Variants in ERC2 observed in about 807,000 individuals in gnomAD.
ERC2 encodes ERC protein 2.
A neutral mutation model predicts 114.8 loss-of-function variants in ERC2; 42 were observed. The ratio of observed to expected loss-of-function variants is 0.37; its 90% confidence interval spans 0.29 to 0.47. ERC2 has a LOEUF of 0.47. Among genes scored for constraint, ERC2 ranks in the 20% least tolerant of loss-of-function variants. The probability of loss-of-function intolerance (pLI) is 0.99; values close to 1 mark genes in which losing one functional copy is unlikely to be tolerated. For synonymous variants in ERC2, 454 were observed against 425.5 expected (o/e 1.07, Z -0.82); for missense variants, 939 against 1,150.7 (o/e 0.82, Z 2.66).
chr3:55,932,073 G>T (rs900061985), intron 13 of ERC2, among the ~76,000 whole-genome samples: 1 of 152,056 alleles, frequency 6.6e-6, no homozygotes, highest in Admixed American at 6.5e-5. Flanking sequence ...AGTTCTCATT[G>T]CTGCAATAAA....
At chr3:55,796,402 C>G (rs560641029) in intron 14 of ERC2, among the ~76,000 whole-genome samples, 1 of 152,288 alleles carries the variant, frequency 6.6e-6, no homozygotes, top group Admixed American at 6.5e-5. Flanking sequence ...TACAGAACTG[C>G]AGTCCATGGG....
chr3:55,944,848 C>A (rs1482989849), intron 13 of ERC2, among the ~76,000 whole-genome samples: 1 of 152,214 alleles, frequency 6.6e-6, no homozygotes, highest in Admixed American at 6.5e-5. Flanking sequence ...GAAAGCACTT[C>A]TGTGCTGACC....
intron 14 of ERC2, among the ~76,000 whole-genome samples, chr3:55,782,258 T>A (rs918318195): frequency 6.6e-6 from 1 of 152,218 alleles, no homozygotes; most frequent in Non-Finnish European, 1.5e-5. Flanking sequence ...TACAGGGTGA[T>A]GCTAGCATTT....
intron 1 of ERC2, among the ~76,000 whole-genome samples, chr3:56,447,701 C>T (rs890291198): frequency 2.0e-5 from 3 of 151,634 alleles, no homozygotes; most frequent in African/African-American, 7.3e-5. Flanking sequence ...TTTATTAAAG[C>T]AGAACATATA....
At chr3:55,631,274 T>G (rs942966227) in intron 17 of ERC2, among the ~76,000 whole-genome samples, 12 of 152,184 alleles carry the variant, frequency 7.9e-5, no homozygotes, top group African/African-American at 2.7e-4. Flanking sequence ...GGGCTCTTTG[T>G]TTTGGCCAAG....
intron 2 of ERC2, among the ~76,000 whole-genome samples, chr3:56,320,927 G>A (rs76763008): frequency 0.01 from 1,575 of 152,232 alleles, 25 homozygotes; most frequent in African/African-American, 0.036. Context: ...AGCTAGGGAA[G>A]TCTGCCCATT....
Position 55,864,124 on chromosome 3 carries a change from CACACATATATATATACATAT to C in ERC2, c.2564+24245_2564+24264del, listed in dbSNP as rs1481768463. ...ATATATATATATATATATATACACA[CACACATATATATATACATAT>C]ATATATATATACACATATATATACA... On this transcript the variant is annotated intron_variant, in intron 14 of 17. Transcript: ENST00000288221. Among the ~76,000 whole-genome samples, 315 of 139,544 alleles carry C rather than the reference CACACATATATATATACATAT, an allele frequency of 2.3e-3. 1 individual carries two copies. The highest frequency in any genetic ancestry group is 8.6e-3 in the African/African-American group (296 of 34,616). 91.5% of individuals were successfully genotyped at this position (139,544 alleles called of 152,430 possible). A position where few individuals can be genotyped will look rare whatever the true frequency, so the allele number is the denominator to read the frequency against.
chr3:55,660,985 T>A (rs1398736593), intron 17 of ERC2, among the ~76,000 whole-genome samples: 1 of 152,184 alleles, frequency 6.6e-6, no homozygotes, highest in Admixed American at 6.5e-5. Flanking sequence ...CTTCTTCATA[T>A]TATAACATTG....
intron 17 of ERC2, among the ~76,000 whole-genome samples, chr3:55,593,490 A>T (rs1256768116): frequency 6.6e-6 from 1 of 152,126 alleles, no homozygotes; most frequent in African/African-American, 2.4e-5. Flanking sequence ...CCAATTTCAG[A>T]TGGTACTTCT....
rs867560871 is a variant in ERC2 at position 55,866,237 on chromosome 3, G to C, written c.2564+22152C>G. Among the ~76,000 whole-genome samples the C allele has an allele frequency of 3.0e-4, 46 of 152,020 alleles. 2 individuals carry two copies. Among genetic ancestry groups the C allele is most frequent in the Middle Eastern group, 6.8e-3 (2 of 294 alleles). ...TTAAGCATCTTTTCATATGCTTACT[G>C]GTCATTTGTATATCTTCTCTACAGA... On this transcript the variant is annotated intron_variant, in intron 14 of 17. Transcript: ENST00000288221.
At chr3:55,655,595 C>G (rs767203292) in intron 17 of ERC2, among the ~76,000 whole-genome samples, 8 of 152,220 alleles carry the variant, frequency 5.3e-5, no homozygotes. Context: ...TCTAACCAAG[C>G]CTCCCTGGCC....
intron 16 of ERC2, among the ~76,000 whole-genome samples, chr3:55,694,946 G>A (rs1219661210): frequency 1.3e-5 from 2 of 152,310 alleles, no homozygotes; most frequent in Middle Eastern, 3.4e-3. Flanking sequence ...CACCAGGTTA[G>A]TCTATACCTG....
At chr3:55,724,049 GA>G (rs1188479065) in intron 15 of ERC2, among the ~76,000 whole-genome samples, 1 of 152,142 alleles carries the variant, frequency 6.6e-6, no homozygotes, top group Non-Finnish European at 1.5e-5. Flanking sequence ...GTTAAATGAT[GA>G]AAAAGAAAAT....
In ERC2 at chr3:56,006,093, G is replaced by A. The variant is rs192495364; in HGVS notation, c.2061+1088C>T. Among the ~76,000 whole-genome samples the A allele has an allele frequency of 5.2e-3, 793 of 152,136 alleles. 5 individuals carry two copies. The highest frequency in any genetic ancestry group is 0.018 in the African/African-American group (737 of 41,544). On this transcript the variant is annotated intron_variant, in intron 10 of 17. Coordinates refer to ENST00000288221, the MANE Select transcript of ERC2 (RefSeq NM_015576.3). ...ATTTTCTTGCTGTTTTGTTATTAAAGGATTTGATCGGTGTATTTATCTTTT... is the reference window on the plus strand; with the variant it reads ...ATTTTCTTGCTGTTTTGTTATTAAAAGATTTGATCGGTGTATTTATCTTTT...
At chr3:56,361,234 A>G (rs182712755) in intron 2 of ERC2, among the ~76,000 whole-genome samples, 51 of 152,272 alleles carry the variant, frequency 3.3e-4, no homozygotes, top group African/African-American at 1.1e-3. Context: ...ATGAGGAATA[A>G]AAACAATGGG....
chr3:55,637,671 C>T (rs963002182), intron 17 of ERC2, among the ~76,000 whole-genome samples: 4 of 152,170 alleles, frequency 2.6e-5, no homozygotes, highest in African/African-American at 9.7e-5. Context: ...AAGCATTTTA[C>T]TTATTGATAT....
In ERC2 at chr3:55,800,690, T is replaced by C. The variant is rs2070977776; in HGVS notation, c.2565-65772A>G. ...CAAATGAGTGAACGGCACTAGATATTGTCCATTTGCCCTTCTAGATCCATC... is the reference window on the plus strand; with the variant it reads ...CAAATGAGTGAACGGCACTAGATATCGTCCATTTGCCCTTCTAGATCCATC... On this transcript the variant is annotated intron_variant, in intron 14 of 17. Transcript: ENST00000288221. Among the ~76,000 whole-genome samples the C allele has an allele frequency of 2.0e-5, 3 of 151,914 alleles. No individual in the cohort carries two copies. The South Asian group carries it at 6.2e-4, about 32-fold the overall frequency.
At chr3:56,203,767 G>A (rs1021200050) in intron 3 of ERC2, among the ~76,000 whole-genome samples, 5 of 152,198 alleles carry the variant, frequency 3.3e-5, no homozygotes, top group African/African-American at 9.6e-5. Context: ...AGGACCATAT[G>A]AGTGGAGGAA....
chr3:55,796,563 T>C (rs2070511257), intron 14 of ERC2, among the ~76,000 whole-genome samples: 1 of 152,128 alleles, frequency 6.6e-6, no homozygotes, highest in Non-Finnish European at 1.5e-5. Flanking sequence ...GTAGCTAGGA[T>C]TATAGGCTTG....
Sources: allele counts gnomAD v4.1 joint callset (sites outside exome capture counted in the v4.1 genomes callset), GRCh38; gene constraint gnomAD v4.1.1; transcripts MANE v1.5; gene names NCBI Gene and HGNC (gene_info 2026-07-23, HGNC 2026-07-21).